Variants in TBC1D2B observed in about 807,000 individuals in gnomAD.
The protein encoded by TBC1D2B is TBC1 domain family, member 2B.
In TBC1D2B, 64 loss-of-function variants were observed where a neutral mutation model predicts 100.8. The ratio of observed to expected loss-of-function variants is 0.64; its 90% CI spans 0.52 to 0.78. The LOEUF is 0.78. Among genes scored for constraint, TBC1D2B ranks in the 30% least tolerant of loss-of-function variants. The probability of loss-of-function intolerance (pLI) is 0.00; values close to 1 mark genes in which losing one functional copy is unlikely to be tolerated. For synonymous variants in TBC1D2B, 480 were observed against 479.7 expected (o/e 1.00, Z -0.01); for missense variants, 1,052 against 1,218.4 (o/e 0.86, Z 2.03).
chr15:78,015,836 T>C (rs1343218555), intron 8 of TBC1D2B, among the ~76,000 whole-genome samples: 2 of 152,220 alleles, frequency 1.3e-5, no homozygotes, highest in Non-Finnish European at 2.9e-5. Flanking sequence ...TCTGAGCATA[T>C]TTCTGTCATC....
intron 3 of TBC1D2B, among the ~76,000 whole-genome samples, chr15:78,035,916 G>A (rs748095486): frequency 6.6e-6 from 1 of 152,188 alleles, no homozygotes; most frequent in Non-Finnish European, 1.5e-5. Flanking sequence ...CAGCTCAAAG[G>A]GGCATGGCAG....
At chr15:78,023,716 T>C (rs1489751413) in intron 6 of TBC1D2B, among the ~76,000 whole-genome samples, 1 of 152,160 alleles carries the variant, frequency 6.6e-6, no homozygotes, top group African/African-American at 2.4e-5. Context: ...TGGAGTCCGC[T>C]TCCCCAGCTA....
At position 77,996,071 on chromosome 15, in the gene TBC1D2B, C is replaced by A. The variant is rs1318362998; in HGVS notation, c.*2089G>T. 2.0e-5 allele frequency: 3 copies of A among 151,804 alleles called. No individual in the cohort carries two copies. The highest frequency in any genetic ancestry group is 4.4e-5 in the Non-Finnish European group (3 of 67,986). The allele number at this position is 151,804 out of a possible 1,614,324, so 9.4% of individuals were successfully genotyped here. Reference sequence around the variant, plus strand: ...CCTTCTGGACACGCATCACTTGATTCCAGGCAGGAGAACCTCTGAGAAAGT... The same window carrying A: ...CCTTCTGGACACGCATCACTTGATTACAGGCAGGAGAACCTCTGAGAAAGT... On this transcript the variant is annotated 3_prime_UTR_variant, in exon 13 of 13. Coordinates refer to ENST00000300584, the MANE Select transcript of TBC1D2B (RefSeq NM_144572.2).
intron 1 of TBC1D2B, among the ~76,000 whole-genome samples, chr15:78,063,034 A>G (rs2073580963): frequency 6.6e-6 from 1 of 152,248 alleles, no homozygotes; most frequent in African/African-American, 2.4e-5. Flanking sequence ...TTGAAAATTA[A>G]TTAGTTAACA....
intron 10 of TBC1D2B, among the ~76,000 whole-genome samples, chr15:78,005,208 A>T (rs1242285990): frequency 1.3e-5 from 2 of 152,164 alleles, no homozygotes; most frequent in African/African-American, 4.8e-5. Flanking sequence ...GGCTGCCAGG[A>T]AACGCTTGCT....
At chr15:78,071,204 G>A (rs1303512049) in intron 1 of TBC1D2B, among the ~76,000 whole-genome samples, 1 of 152,120 alleles carries the variant, frequency 6.6e-6, no homozygotes, top group African/African-American at 2.4e-5. Context: ...TTGGTATCAA[G>A]TGATCCTCCC....
chr15:78,071,842 G>C (rs1392815675), intron 1 of TBC1D2B, among the ~76,000 whole-genome samples: 1 of 152,160 alleles, frequency 6.6e-6, no homozygotes, highest in Non-Finnish European at 1.5e-5. Context: ...AAACACCACA[G>C]ACTAAGTGGC....
Position 78,018,019 on chromosome 15 carries a change from C to T in TBC1D2B, c.1471-62G>A. On this transcript the variant is annotated intron_variant, in intron 6 of 12. Transcript: ENST00000300584. Reference sequence around the variant, plus strand: ...GTTGAATATTGACTAATTAATTACCCTATGTAGTCAGTAGCTTGCTGCTTC... The same window carrying T: ...GTTGAATATTGACTAATTAATTACCTTATGTAGTCAGTAGCTTGCTGCTTC... 3 of 876,640 alleles carry T rather than the reference C, an allele frequency of 3.4e-6. No homozygotes were observed. In the South Asian group the frequency reaches 4.9e-5, roughly 14 times the overall value. 54.3% of individuals were successfully genotyped at this position (876,640 alleles called of 1,614,324 possible).
intron 1 of TBC1D2B, among the ~76,000 whole-genome samples, chr15:78,067,593 T>G (rs1221584274): frequency 6.6e-6 from 1 of 152,242 alleles, no homozygotes; most frequent in African/African-American, 2.4e-5. Context: ...CGGCCAGGCC[T>G]GCCATCTGAC....
chr15:78,044,539 A>G (rs2073155704), intron 3 of TBC1D2B, among the ~76,000 whole-genome samples: 3 of 152,240 alleles, frequency 2.0e-5, no homozygotes, highest in Admixed American at 6.5e-5. Flanking sequence ...TGTCTTGGAG[A>G]GGGGACTAGG....
chr15:78,042,862 C>T (rs2073118214), intron 3 of TBC1D2B, among the ~76,000 whole-genome samples: 1 of 152,206 alleles, frequency 6.6e-6, no homozygotes, highest in Admixed American at 6.5e-5. Flanking sequence ...AGGCTGAGGG[C>T]TATCAGCGTA....
At position 78,040,838 on chromosome 15, in the gene TBC1D2B, A is replaced by AG. The variant is rs369034180; in HGVS notation, c.683+4061_683+4062insC. Among the ~76,000 whole-genome samples, 71 of 16,562 alleles carry AG rather than the reference A, an allele frequency of 4.3e-3. 1 individual carries two copies. The highest frequency in any genetic ancestry group is 0.015 in the Admixed American group (20 of 1,358). 10.9% of individuals were successfully genotyped at this position (16,562 alleles called of 152,430 possible). On this transcript the variant is annotated intron_variant, in intron 3 of 12. Transcript: ENST00000300584. Reference sequence around the variant, plus strand: ...AAGCAAGAAAGAAGGAAAGAAAGAAAAAAGAAAGAAAGAAAGGAAGAAAGA... The same window carrying AG: ...AAGCAAGAAAGAAGGAAAGAAAGAAAGAAAGAAAGAAAGAAAGGAAGAAAGA...
In TBC1D2B at chr15:78,077,644, C is replaced by A; in HGVS notation, c.9G>T (p.Gly3=). The change falls in exon 1 of 13, where the codon GGG becomes GGT. Residue 3 remains glycine (G), a synonymous_variant. Coordinates refer to ENST00000300584, the MANE Select transcript of TBC1D2B (RefSeq NM_144572.2). ...CGCCCTCCTCCGCCCGGGCTCCGGC[C>A]CCCGGCATCGCTACCGCGCGCCAAC... MP[G]AGARAEEGGG... 1.0e-6 allele frequency: 1 copy of A among 991,404 alleles called. No individual in the cohort carries two copies. Among genetic ancestry groups the A allele is most frequent in the Non-Finnish European group, 1.2e-6 (1 of 834,372 alleles). The allele number at this position is 991,404 out of a possible 1,614,324, so 61.4% of individuals were successfully genotyped here.
chr15:78,053,672 T>A (rs1318465345), intron 2 of TBC1D2B: 1 of 180,916 alleles, frequency 5.5e-6, no homozygotes, highest in East Asian at 1.5e-4. Flanking sequence ...CAAACACCTG[T>A]CAATCTTGGC....
At chr15:78,014,610 C>T (rs139790672) in intron 8 of TBC1D2B, among the ~76,000 whole-genome samples, 3 of 152,270 alleles carry the variant, frequency 2.0e-5, no homozygotes, top group African/African-American at 7.2e-5. Flanking sequence ...GGTAAACATG[C>T]TCAGTCGTGT....
chr15:78,036,415 G>C (rs2072947461), intron 3 of TBC1D2B, among the ~76,000 whole-genome samples: 1 of 152,204 alleles, frequency 6.6e-6, no homozygotes, highest in Non-Finnish European at 1.5e-5. Context: ...ACGGTATTAA[G>C]AGGTGGGACC....
At position 78,001,661 on chromosome 15, in the gene TBC1D2B, A is replaced by T. The variant is rs1373470259; in HGVS notation, c.2654T>A (p.Phe885Tyr). 1 of 1,608,618 alleles carries T rather than the reference A, an allele frequency of 6.2e-7. No homozygotes were observed. Among genetic ancestry groups the T allele is most frequent in the Non-Finnish European group, 8.5e-7 (1 of 1,177,472 alleles). The change falls in exon 12 of 13, where the codon TTT (phenylalanine) becomes TAT (tyrosine). Residue 885 changes from phenylalanine to tyrosine, a missense_variant. Coordinates refer to ENST00000300584, the MANE Select transcript of TBC1D2B (RefSeq NM_144572.2). ...ILKLQDSMSI[F>Y]KYLRYFTRTI... ...GCGAGTGAAGTAGCGGAGATACTTA[A>T]ATATAGACATCGAATCTTGCAATTT...
intron 1 of TBC1D2B, 151 bp downstream of exon 1, chr15:78,077,142 A>T (rs2073841395): frequency 6.4e-5 from 71 of 1,105,614 alleles, no homozygotes; most frequent in Non-Finnish European, 8.4e-5. Context: ...GATAGGAACG[A>T]GGGCGGGATG....
At chr15:78,032,702 T>C (rs2072846458) in intron 3 of TBC1D2B, among the ~76,000 whole-genome samples, 2 of 150,618 alleles carry the variant, frequency 1.3e-5, no homozygotes, top group Admixed American at 1.3e-4. Context: ...TTTCCAAAGA[T>C]AAAACTACAA....
Sources: allele counts gnomAD v4.1 joint callset (sites outside exome capture counted in the v4.1 genomes callset), GRCh38; gene constraint gnomAD v4.1.1; transcripts MANE v1.5; gene names NCBI Gene and HGNC (gene_info 2026-07-23, HGNC 2026-07-21).